The following CSPP1 variants were observed in gnomAD, a reference collection of about 807,000 sequenced individuals.
The protein encoded by CSPP1 is centrosome and spindle pole-associated protein 1.
In CSPP1, 126 loss-of-function variants were observed where a neutral mutation model predicts 164.4. That is an observed-to-expected ratio of 0.77 (90% CI 0.66 to 0.89). The LOEUF is 0.89. Ranked by LOEUF, CSPP1 falls within the 40% of genes least tolerant of loss-of-function variation. CSPP1 has a pLI of 0.00. For missense variants in CSPP1, 1,395 were observed against 1,449.8 expected (o/e 0.96, Z 0.61); for synonymous variants, 472 against 476.7 (o/e 0.99, Z 0.13).
chr8:67,094,687 G>C (rs938035336), intron 6 of CSPP1, among the ~76,000 whole-genome samples: 1 of 152,038 alleles, frequency 6.6e-6, no homozygotes, highest in African/African-American at 2.4e-5. Context: ...CCTCCACCTA[G>C]AATTTTTATG....
intron 17 of CSPP1, among the ~76,000 whole-genome samples, chr8:67,139,856 G>A (rs978678317): frequency 4.2e-4 from 64 of 152,262 alleles, no homozygotes; most frequent in African/African-American, 1.1e-3. Flanking sequence ...GGTGAGGGGA[G>A]CGGGGAGGGA....
At chr8:67,125,227 G>A (rs1450878514) in intron 15 of CSPP1, among the ~76,000 whole-genome samples, 5 of 152,050 alleles carry the variant, frequency 3.3e-5, no homozygotes. Context: ...CATTTTTGAA[G>A]GATAATTTTG....
chr8:67,069,879 C>T (rs1382078986), intron 1 of CSPP1, among the ~76,000 whole-genome samples: 5 of 151,958 alleles, frequency 3.3e-5, no homozygotes, highest in African/African-American at 1.2e-4. Flanking sequence ...AGGCTGGTCT[C>T]GAACTCCTGA....
chr8:67,164,372 T>C lies in CSPP1; in HGVS notation c.2711-19T>C. The C allele has an allele frequency of 8.8e-7, 1 of 1,137,040 alleles. No individual in the cohort carries two copies. Among genetic ancestry groups the C allele is most frequent in the South Asian group, 1.2e-5 (1 of 80,698 alleles). The allele number at this position is 1,137,040 out of a possible 1,614,324, so 70.4% of individuals were successfully genotyped here. ...TCTTATTCCTGTCTTGTGTTTTACT[T>C]ATCAATGGGAATTTGCAGAGGAGAA... On this transcript the variant is annotated intron_variant, in intron 23 of 30. Coordinates refer to ENST00000678616, the MANE Select transcript of CSPP1 (RefSeq NM_001382391.1).
At chr8:67,086,135 G>A in intron 4 of CSPP1, 25 bp downstream of exon 4, 2 of 998,624 alleles carry the variant, frequency 2.0e-6, no homozygotes, top group South Asian at 1.3e-5. Flanking sequence ...TAATGAGTTG[G>A]GTTTAATGTT....
rs974893054 is a variant in CSPP1 at position 67,116,026 on chromosome 8, C to A, written c.1400C>A (p.Ser467Tyr). Residue 467 changes from serine (S) to tyrosine (Y), a missense_variant, in exon 13 of 31, where the codon TCT (serine) becomes TAT (tyrosine). Ser to Tyr is a moderately radical substitution (Grantham distance 144, BLOSUM62 -2). Coordinates refer to ENST00000678616, the MANE Select transcript of CSPP1 (RefSeq NM_001382391.1). The stretch of plus-strand genomic sequence containing the variant: ...CCTCTCCCTCCTTTATCTGCCCCAT[C>A]TGTCCCACCCATCCCATCAGTTCAT... ...QTPLPPLSAP[S>Y]VPPIPSVHPV... The A allele has an allele frequency of 5.6e-6, 9 of 1,613,928 alleles. No individual in the cohort carries two copies. Among genetic ancestry groups the A allele is most frequent in the Non-Finnish European group, 7.6e-6 (9 of 1,179,918 alleles).
intron 28 of CSPP1, among the ~76,000 whole-genome samples, chr8:67,181,339 T>A (rs2129571258): frequency 1.1e-5 from 1 of 92,446 alleles, no homozygotes; most frequent in East Asian, 2.6e-4. Context: ...TACCTGGCCA[T>A]TTTTTTTTTT....
intron 25 of CSPP1, chr8:67,174,836 CATG>C (rs1831230731): frequency 6.5e-6 from 1 of 154,230 alleles, no homozygotes; most frequent in African/African-American, 2.4e-5. Flanking sequence ...TTGCTTTCTG[CATG>C]ATATTTGTAA....
chr8:67,139,168 A>C (rs1015846823), intron 17 of CSPP1, among the ~76,000 whole-genome samples: 4 of 152,256 alleles, frequency 2.6e-5, no homozygotes, highest in Non-Finnish European at 4.4e-5. Flanking sequence ...CAACCCCATC[A>C]AAAAGTAGGC....
In CSPP1 at chr8:67,160,179, G is replaced by T. The variant is rs544325910; in HGVS notation, c.2538+1042G>T. On this transcript the variant is annotated intron_variant, in intron 21 of 30. Coordinates refer to ENST00000678616, the MANE Select transcript of CSPP1 (RefSeq NM_001382391.1). Reference sequence around the variant, plus strand: ...TTGCAGGTGTGAGCCACCACACCCTGCCTCACAGATAATTTTTTATTGTAA... The same window carrying T: ...TTGCAGGTGTGAGCCACCACACCCTTCCTCACAGATAATTTTTTATTGTAA... Among the ~76,000 whole-genome samples, 32 of 150,310 alleles carry T rather than the reference G, an allele frequency of 2.1e-4. No homozygotes were observed. The South Asian group carries it at 6.5e-3, about 31-fold the overall frequency.
intron 1 of CSPP1, among the ~76,000 whole-genome samples, chr8:67,065,341 T>C (rs1052504669): frequency 6.6e-6 from 1 of 152,144 alleles, no homozygotes; most frequent in Admixed American, 6.5e-5. Flanking sequence ...GCTCTCAAGA[T>C]TGTAGGATTA....
intron 8 of CSPP1, among the ~76,000 whole-genome samples, chr8:67,105,418 T>C (rs2129547664): frequency 6.6e-6 from 1 of 152,288 alleles, no homozygotes; most frequent in East Asian, 1.9e-4. Context: ...CTCACTCTTG[T>C]TGCCCAGGCT....
intron 28 of CSPP1, among the ~76,000 whole-genome samples, chr8:67,185,162 G>C (rs1227032396): frequency 6.6e-6 from 1 of 151,604 alleles, no homozygotes; most frequent in African/African-American, 2.4e-5. Flanking sequence ...CATAGTCCAA[G>C]AGCCTGGTGT....
chr8:67,159,378 C>T (rs1827279594), intron 21 of CSPP1, among the ~76,000 whole-genome samples: 1 of 152,002 alleles, frequency 6.6e-6, no homozygotes, highest in African/African-American at 2.4e-5. Context: ...TTCTTAGTCT[C>T]ATTCCCATGG....
intron 25 of CSPP1, chr8:67,175,066 T>C: frequency 2.2e-6 from 1 of 457,086 alleles, no homozygotes; most frequent in East Asian, 4.2e-5. Flanking sequence ...TGTTCTGGGG[T>C]ATTCCTTATG....
chr8:67,190,380 AGCCGTG>A (rs1387007807), intron 28 of CSPP1, among the ~76,000 whole-genome samples: 6 of 152,188 alleles, frequency 3.9e-5, no homozygotes, highest in Non-Finnish European at 2.9e-5. Flanking sequence ...GTTGAAACAG[AGCCGTG>A]TTTGCCCGGG....
At chr8:67,159,236 T>C in intron 21 of CSPP1, 99 bp downstream of exon 21, 249 of 874,364 alleles carry the variant, frequency 2.8e-4, no homozygotes, top group Non-Finnish European at 3.9e-4. Context: ...GAGGAGGAGG[T>C]GCTTTTGTTC....
At chr8:67,179,714 C>G in intron 27 of CSPP1, 149 bp from the exon 28 acceptor site, 1 of 574,178 alleles carries the variant, frequency 1.7e-6, no homozygotes, top group African/African-American at 1.9e-5. Context: ...CCAGTATTTT[C>G]TGAGCATTGG....
chr8:67,074,230 T>A lies in CSPP1; in HGVS notation c.-10-13T>A, dbSNP rs762231058. On this transcript the variant is annotated splice_polypyrimidine_tract_variant and intron_variant, in intron 1 of 30. Coordinates refer to ENST00000678616, the MANE Select transcript of CSPP1 (RefSeq NM_001382391.1). Reference sequence around the variant, plus strand: ...TGTGATATAGATACGCTCACTGAAATTTTTTTTTAAAGAATCTGCAAAATG... The same window carrying A: ...TGTGATATAGATACGCTCACTGAAAATTTTTTTTAAAGAATCTGCAAAATG... 2.3e-5 allele frequency: 34 copies of A among 1,497,848 alleles called. No homozygotes were observed. Among genetic ancestry groups the A allele is most frequent in the South Asian group, 8.2e-5 (7 of 85,044 alleles). The allele number at this position is 1,497,848 out of a possible 1,614,324, so 92.8% of individuals were successfully genotyped here.
Sources: allele counts gnomAD v4.1 joint callset (sites outside exome capture counted in the v4.1 genomes callset), GRCh38; gene constraint gnomAD v4.1.1; transcripts MANE v1.5; gene names NCBI Gene and HGNC (gene_info 2026-07-23, HGNC 2026-07-21).